Variants in CHLSN observed in about 807,000 individuals in gnomAD.
The protein encoded by CHLSN is cholesin.
the CHLSN span, among the ~76,000 whole-genome samples, chr7:1,129,509 A>C: frequency 5.5e-4 from 76 of 138,050 alleles, 9 homozygotes; most frequent in African/African-American, 2.4e-3. Context: ...GCAGTGGCAC[A>C]ATCTCGGCTC....
At chr7:1,089,453 T>A in the CHLSN span, among the ~76,000 whole-genome samples, 1 of 139,100 alleles carries the variant, frequency 7.2e-6, no homozygotes, top group African/African-American at 2.9e-5. Flanking sequence ...AGTGGTGTGA[T>A]CTCGGCTGAG....
the CHLSN span, among the ~76,000 whole-genome samples, chr7:1,023,981 T>C: frequency 7.5e-3 from 1,139 of 152,314 alleles, 18 homozygotes; most frequent in African/African-American, 0.026. The surrounding 1 kb of genome is among the most constrained non-coding windows in gnomAD (Gnocchi z 5.0). Flanking sequence ...ACCAGGACTA[T>C]AGGCATGTGC....
chr7:1,107,069 C>T, the CHLSN span, among the ~76,000 whole-genome samples: 4 of 152,158 alleles, frequency 2.6e-5, no homozygotes, highest in East Asian at 1.9e-4. Context: ...AACGCAGACT[C>T]GACTCCGGGA....
At chr7:1,008,700 A>G in the CHLSN span, among the ~76,000 whole-genome samples, 1 of 152,132 alleles carries the variant, frequency 6.6e-6, no homozygotes, top group Non-Finnish European at 1.5e-5. Context: ...CCTCTCCTGT[A>G]GGTGGAGGAC....
chr7:1,123,004 C>T, the CHLSN span, among the ~76,000 whole-genome samples: 12,640 of 152,250 alleles, frequency 0.083, 698 homozygotes, highest in South Asian at 0.13. The surrounding 1 kb of genome is among the most constrained non-coding windows in gnomAD (Gnocchi z 4.4). Flanking sequence ...CACCACAAGC[C>T]GCCCACCTCC....
the CHLSN span, chr7:1,028,690 C>T: frequency 2.8e-6 from 2 of 703,760 alleles, no homozygotes; most frequent in Non-Finnish European, 3.4e-6. Flanking sequence ...CCTCATCTCC[C>T]CCATCTGCCT....
the CHLSN span, among the ~76,000 whole-genome samples, chr7:993,857 TTGG>T: frequency 1.3e-5 from 2 of 152,100 alleles, no homozygotes; most frequent in Non-Finnish European, 2.9e-5. Context: ...TGTGTCACTC[TTGG>T]TGGAGTGAGC....
At chr7:1,065,803 A>T in the CHLSN span, among the ~76,000 whole-genome samples, 2 of 152,174 alleles carry the variant, frequency 1.3e-5, no homozygotes, top group Non-Finnish European at 2.9e-5. Context: ...ATCTCATGGG[A>T]AAGGGACAGG....
the CHLSN span, among the ~76,000 whole-genome samples, chr7:1,023,329 C>T: frequency 5.3e-5 from 8 of 152,180 alleles, no homozygotes; most frequent in Admixed American, 3.3e-4. The surrounding 1 kb of genome is among the most constrained non-coding windows in gnomAD (Gnocchi z 5.0). Context: ...TGCGGAAGCT[C>T]GTGTCAGCTG....
At chr7:1,038,547 G>A in the CHLSN span, among the ~76,000 whole-genome samples, 277 of 103,650 alleles carry the variant, frequency 2.7e-3, no homozygotes, top group African/African-American at 0.01. Flanking sequence ...TCAGCCCTCC[G>A]CCCGGCCAGC....
the CHLSN span, among the ~76,000 whole-genome samples, chr7:999,543 C>T: frequency 1.3e-5 from 2 of 152,100 alleles, no homozygotes. Context: ...TCACTGCACT[C>T]CAGCCTGGGC....
the CHLSN span, among the ~76,000 whole-genome samples, chr7:1,046,083 C>T: frequency 1.4e-5 from 2 of 144,922 alleles, no homozygotes; most frequent in African/African-American, 5.1e-5. Context: ...TTATGTCTAT[C>T]ATACAATGAA....
the CHLSN span, among the ~76,000 whole-genome samples, chr7:1,100,399 C>A: frequency 6.6e-6 from 1 of 152,258 alleles, no homozygotes; most frequent in Non-Finnish European, 1.5e-5. Flanking sequence ...CAAAGCCACA[C>A]CTGTGGGTGC....
At chr7:1,105,507 C>T in the CHLSN span, among the ~76,000 whole-genome samples, 2 of 152,220 alleles carry the variant, frequency 1.3e-5, no homozygotes, top group African/African-American at 2.4e-5. Context: ...ACTCACTCCA[C>T]AGATTACTGT....
At chr7:1,009,524 C>A in the CHLSN span, among the ~76,000 whole-genome samples, 1 of 152,184 alleles carries the variant, frequency 6.6e-6, no homozygotes, top group African/African-American at 2.4e-5. Context: ...GTGCCCAGCA[C>A]CCCACAATCC....
the CHLSN span, among the ~76,000 whole-genome samples, chr7:1,063,869 G>C: frequency 6.6e-6 from 1 of 152,158 alleles, no homozygotes; most frequent in Non-Finnish European, 1.5e-5. Flanking sequence ...TACCTGTGCT[G>C]TTCTCTTTCC....
chr7:1,130,112 G>A, the CHLSN span, among the ~76,000 whole-genome samples: 10 of 152,318 alleles, frequency 6.6e-5, no homozygotes, highest in African/African-American at 2.2e-4. Flanking sequence ...GGAGCATGGA[G>A]CAGGCCACGT....
chr7:1,001,792 G>A, the CHLSN span, among the ~76,000 whole-genome samples: 2 of 124,420 alleles, frequency 1.6e-5, no homozygotes, highest in African/African-American at 3.2e-5. Flanking sequence ...TGTGGGTGGG[G>A]AGTCCTGTGG....
At chr7:983,371 C>T in the CHLSN span, 9 of 1,523,160 alleles carry the variant, frequency 5.9e-6, no homozygotes, top group African/African-American at 1.4e-5. Context: ...GCAACAGGAC[C>T]GGTCCCTGAT....
Sources: gnomAD v4.1 joint callset for allele counts (sites outside exome capture counted in the v4.1 genomes callset) on GRCh38, gnomAD v4.1.1 for gene constraint, Gnocchi (gnomAD v3.1) non-coding constraint, MANE v1.5 for transcripts, NCBI Gene and HGNC (gene_info 2026-07-23, HGNC 2026-07-21) for gene names.